ATF6: variants seen among roughly 807,000 people sequenced by gnomAD.
ATF6 encodes the protein cyclic AMP-dependent transcription factor ATF-6 alpha.
A neutral mutation model predicts 83.6 loss-of-function variants in ATF6; 53 were observed. The observed-to-expected ratio is 0.63, with a 90% confidence interval of 0.51 to 0.80. ATF6 has a LOEUF of 0.80. ATF6 is among the 30% of genes least tolerant of loss of function. The pLI is 0.00. For missense variants in ATF6, 744 were observed against 797.9 expected (o/e 0.93, Z 0.81); for synonymous variants, 288 against 285.8 (o/e 1.01, Z -0.08).
At chr1:161,938,466 C>T (rs1359300689) in intron 15 of ATF6, among the ~76,000 whole-genome samples, 1 of 152,036 alleles carries the variant, frequency 6.6e-6, no homozygotes. Flanking sequence ...ATCAGAGAAA[C>T]ATAAGAGTGT....
Position 161,917,672 on chromosome 1 carries a change from G to A in ATF6, c.1804+5292G>A, listed in dbSNP as rs375890936. Reference sequence around the variant, plus strand: ...CCTGACCTCGTGATCCGCCCACCTCGGCCTCCCAAAGTGCTGGGATTACAG... The same window carrying A: ...CCTGACCTCGTGATCCGCCCACCTCAGCCTCCCAAAGTGCTGGGATTACAG... On this transcript the variant is annotated intron_variant, in intron 15 of 15. Coordinates refer to ENST00000367942, the MANE Select transcript of ATF6 (RefSeq NM_007348.4). Among the ~76,000 whole-genome samples, 65 of 152,022 alleles carry A rather than the reference G, an allele frequency of 4.3e-4. 1 individual carries two copies. The East Asian group carries it at 9.7e-3, about 23-fold the overall frequency.
chr1:161,905,845 T>C (rs1687867798), intron 14 of ATF6, among the ~76,000 whole-genome samples: 1 of 152,152 alleles, frequency 6.6e-6, no homozygotes, highest in Admixed American at 6.5e-5. Flanking sequence ...TTTTTGTTTT[T>C]TTTTGAGACG....
intron 9 of ATF6, among the ~76,000 whole-genome samples, chr1:161,826,373 A>G (rs1204705314): frequency 1.3e-5 from 2 of 152,228 alleles, no homozygotes; most frequent in Non-Finnish European, 2.9e-5. Flanking sequence ...AAAGGTGGGG[A>G]TGGATCTCAT....
At chr1:161,774,445 A>G (rs12040561) in intron 1 of ATF6, among the ~76,000 whole-genome samples, 21,934 of 151,746 alleles carry the variant, frequency 0.14, 2,145 homozygotes, top group East Asian at 0.31. Context: ...ACATACACAC[A>G]TATATATACA....
chr1:161,870,972 G>A (rs772676823), intron 14 of ATF6, among the ~76,000 whole-genome samples: 6 of 151,596 alleles, frequency 4.0e-5, no homozygotes, highest in Non-Finnish European at 8.9e-5. Flanking sequence ...CCCTTTTCAG[G>A]TTGTATGCTT....
At chr1:161,851,655 T>G in intron 10 of ATF6, 67 bp from the exon 11 acceptor site, 1 of 1,104,082 alleles carries the variant, frequency 9.1e-7, no homozygotes, top group Non-Finnish European at 1.4e-6. Context: ...TAATGATGAT[T>G]TTCTTATAGC....
chr1:161,902,100 G>A (rs770340887), intron 14 of ATF6, among the ~76,000 whole-genome samples: 7 of 152,136 alleles, frequency 4.6e-5, no homozygotes, highest in Non-Finnish European at 7.4e-5. Flanking sequence ...TGCAAATACT[G>A]TCAAGTATTT....
At chr1:161,773,967 C>T (rs1380241356) in intron 1 of ATF6, among the ~76,000 whole-genome samples, 1 of 152,086 alleles carries the variant, frequency 6.6e-6, no homozygotes, top group East Asian at 1.9e-4. Context: ...TCTAGATTTA[C>T]CAACTGTTAA....
At chr1:161,922,047 A>T (rs1269484383) in intron 15 of ATF6, among the ~76,000 whole-genome samples, 1 of 152,052 alleles carries the variant, frequency 6.6e-6, no homozygotes, top group Non-Finnish European at 1.5e-5. Flanking sequence ...CATGATTGGG[A>T]TTACTGAGAT....
At chr1:161,806,250 A>G (rs997842662) in intron 7 of ATF6, among the ~76,000 whole-genome samples, 1 of 152,228 alleles carries the variant, frequency 6.6e-6, no homozygotes, top group Non-Finnish European at 1.5e-5. Context: ...TTAAAGGGCT[A>G]TTTAGTGTTG....
chr1:161,958,415 A>G (rs1234825273), intron 15 of ATF6, 31 bp from the exon 16 acceptor site: 2 of 1,553,262 alleles, frequency 1.3e-6, no homozygotes, highest in African/African-American at 1.4e-5. Context: ...TCTGTTGAAT[A>G]TTTATTCTTT....
intron 1 of ATF6, among the ~76,000 whole-genome samples, chr1:161,774,691 A>G (rs1684475442): frequency 6.6e-6 from 1 of 152,128 alleles, no homozygotes; most frequent in Non-Finnish European, 1.5e-5. Context: ...TTCCTCTATT[A>G]CTACCCTATA....
chr1:161,885,353 G>A (rs902303939), intron 14 of ATF6, among the ~76,000 whole-genome samples: 1 of 152,088 alleles, frequency 6.6e-6, no homozygotes, highest in Non-Finnish European at 1.5e-5. Context: ...GCACAAACAT[G>A]TAGTACTGCG....
intron 4 of ATF6, among the ~76,000 whole-genome samples, chr1:161,789,208 A>G (rs1342608290): frequency 6.9e-6 from 1 of 144,422 alleles, no homozygotes; most frequent in African/African-American, 2.6e-5. Context: ...TATTGAGTAT[A>G]GTCACCCTGC....
At chr1:161,951,312 A>C (rs138894498) in intron 15 of ATF6, among the ~76,000 whole-genome samples, 2 of 152,358 alleles carry the variant, frequency 1.3e-5, no homozygotes, top group Non-Finnish European at 2.9e-5. Flanking sequence ...TTTGTATTTG[A>C]GGATATTAGA....
chr1:161,772,931 C>T (rs1330936833), intron 1 of ATF6, among the ~76,000 whole-genome samples: 1 of 150,776 alleles, frequency 6.6e-6, no homozygotes, highest in Non-Finnish European at 1.5e-5. Context: ...GAACCCAGTC[C>T]AGTCAGGTGC....
chr1:161,819,746 C>T lies in ATF6; in HGVS notation c.1023C>T (p.Ala341=), dbSNP rs1685704869. The change falls in exon 8 of 16, where the codon GCC becomes GCT. Residue 341 remains alanine (A), a synonymous_variant. Coordinates refer to ENST00000367942, the MANE Select transcript of ATF6 (RefSeq NM_007348.4). The stretch of plus-strand genomic sequence containing the variant: ...GGTTAGAGGCGAGATTAAAGGCTGC[C>T]CTCTCAGAAAACGAGCAACTGAAGA... ...MLGLEARLKA[A]LSENEQLKKE... The T allele has an allele frequency of 6.2e-7, 1 of 1,612,156 alleles. No homozygotes were observed. The highest frequency in any genetic ancestry group is 8.5e-7 in the Non-Finnish European group (1 of 1,179,178).
intron 14 of ATF6, among the ~76,000 whole-genome samples, chr1:161,905,588 C>A (rs1687863849): frequency 6.6e-6 from 1 of 152,182 alleles, no homozygotes; most frequent in Non-Finnish European, 1.5e-5. Flanking sequence ...TTATATATGA[C>A]AAACTCCCAA....
chr1:161,801,970 G>A lies in ATF6; in HGVS notation c.689-82G>A, dbSNP rs1685160039. On this transcript the variant is annotated intron_variant, in intron 6 of 15. Coordinates refer to ENST00000367942, the MANE Select transcript of ATF6 (RefSeq NM_007348.4). ...GGTGTTGATCTTACCCATTACGTCT[G>A]CAGAAAAGACCTAATTATAAGCTGC... 5 of 1,306,912 alleles carry A rather than the reference G, an allele frequency of 3.8e-6. No individual in the cohort carries two copies. In the Admixed American group the frequency reaches 7.1e-5, roughly 19 times the overall value. 81.0% of individuals were successfully genotyped at this position (1,306,912 alleles called of 1,614,324 possible).
Sources: gnomAD v4.1 joint callset for allele counts (sites outside exome capture counted in the v4.1 genomes callset) on GRCh38, gnomAD v4.1.1 for gene constraint, MANE v1.5 for transcripts, NCBI Gene and HGNC (gene_info 2026-07-23, HGNC 2026-07-21) for gene names.